Variants in ACSL3 observed in about 807,000 individuals in gnomAD.
The protein encoded by ACSL3 is acyl-CoA synthetase long chain family member 3.
A neutral mutation model predicts 84.7 loss-of-function variants in ACSL3; 34 were observed. That is an observed-to-expected ratio of 0.40 (90% CI 0.31 to 0.53). The LOEUF is 0.53. ACSL3 is among the 20% of genes least tolerant of loss of function. The pLI, the probability that ACSL3 is intolerant of heterozygous loss-of-function variation, is 0.48. For missense variants in ACSL3, 680 were observed against 873.1 expected (o/e 0.78, Z 2.79); for synonymous variants, 315 against 299.4 (o/e 1.05, Z -0.54).
intron 5 of ACSL3, among the ~76,000 whole-genome samples, chr2:222,917,154 G>A (rs1696606604): frequency 6.6e-6 from 1 of 152,126 alleles, no homozygotes; most frequent in Non-Finnish European, 1.5e-5. Context: ...CAGTGGCACA[G>A]TCTCAGGTTA....
At chr2:222,922,672 C>A in intron 8 of ACSL3, 36 bp from the exon 9 acceptor site, 1 of 1,612,236 alleles carries the variant, frequency 6.2e-7, no homozygotes, top group Non-Finnish European at 8.5e-7. Context: ...TAGACGACAC[C>A]TGACTTTTGT....
Position 222,941,853 on chromosome 2 carries a change from C to T in ACSL3, c.*199C>T, listed in dbSNP as rs1453649769. 2 of 521,154 alleles carry T rather than the reference C, an allele frequency of 3.8e-6. No homozygotes were observed. The highest frequency in any genetic ancestry group is 3.9e-5 in the African/African-American group (2 of 51,246). The allele number at this position is 521,154 out of a possible 1,614,324, so 32.3% of individuals were successfully genotyped here. A position where few individuals can be genotyped will look rare whatever the true frequency, so the allele number is the denominator to read the frequency against. ...GTGTCTGTCTCTTCTTTCATTTTCC[C>T]CGCCACCAACTTACTTTACCACCTA... On this transcript the variant is annotated 3_prime_UTR_variant, in exon 17 of 17. Coordinates refer to ENST00000357430, the MANE Select transcript of ACSL3 (RefSeq NM_004457.5).
At chr2:222,899,454 A>G (rs575534262) in intron 2 of ACSL3, among the ~76,000 whole-genome samples, 10 of 152,228 alleles carry the variant, frequency 6.6e-5, no homozygotes, top group African/African-American at 2.2e-4. Context: ...CAGCCAGGCA[A>G]CGGACGGGAC....
rs1697411854 is a variant in ACSL3, at chr2:222,944,531, C to A, written c.*2877C>A. 1 of 151,838 alleles carries A rather than the reference C, an allele frequency of 6.6e-6. No individual in the cohort carries two copies. Among genetic ancestry groups the A allele is most frequent in the Non-Finnish European group, 1.5e-5 (1 of 67,940 alleles). The allele number at this position is 151,838 out of a possible 1,614,324, so 9.4% of individuals were successfully genotyped here. A position where few individuals can be genotyped will look rare whatever the true frequency, so the allele number is the denominator to read the frequency against. ...TGTTCTTGGTTGTTGCTGTTTTCTG[C>A]CTGAAGACGTGTATCATAAAGAGCT... On this transcript the variant is annotated 3_prime_UTR_variant, in exon 17 of 17. Transcript: ENST00000357430.
At chr2:222,864,025 A>G (rs553082900) in intron 1 of ACSL3, among the ~76,000 whole-genome samples, 2 of 152,196 alleles carry the variant, frequency 1.3e-5, no homozygotes, top group African/African-American at 4.8e-5. Flanking sequence ...TTTAAGAGCC[A>G]TATATGATAA....
At chr2:222,864,736 G>C (rs958283473) in intron 1 of ACSL3, among the ~76,000 whole-genome samples, 2 of 152,088 alleles carry the variant, frequency 1.3e-5, no homozygotes, top group Non-Finnish European at 2.9e-5. Flanking sequence ...GGGAGTGGTT[G>C]AATATAGACT....
chr2:222,930,088 C>T (rs1260527388), intron 13 of ACSL3, among the ~76,000 whole-genome samples: 1 of 151,764 alleles, frequency 6.6e-6, no homozygotes, highest in African/African-American at 2.4e-5. Context: ...GCCACCATGC[C>T]CGACTAATTT....
At chr2:222,875,861 TC>T (rs34892893) in intron 1 of ACSL3, among the ~76,000 whole-genome samples, 1 of 152,346 alleles carries the variant, frequency 6.6e-6, no homozygotes, top group African/African-American at 2.4e-5. Context: ...TTTTTGTTTT[TC>T]CCTGTTTTAA....
At chr2:222,872,931 T>A (rs906129501) in intron 1 of ACSL3, among the ~76,000 whole-genome samples, 2 of 151,860 alleles carry the variant, frequency 1.3e-5, no homozygotes, top group African/African-American at 4.8e-5. Context: ...TGAAGCTGGA[T>A]GCAAAAATAA....
chr2:222,871,495 A>G (rs1208479247), intron 1 of ACSL3, among the ~76,000 whole-genome samples: 1 of 152,128 alleles, frequency 6.6e-6, no homozygotes, highest in Non-Finnish European at 1.5e-5. Context: ...CCCAGTAGGC[A>G]TTGTCTAGGG....
rs548828430 is a variant in ACSL3, at chr2:222,862,226, C to T, written c.-207+968C>T. Among the ~76,000 whole-genome samples, 3 of 152,278 alleles carry T rather than the reference C, an allele frequency of 2.0e-5. No individual in the cohort carries two copies. In the South Asian group the frequency reaches 6.2e-4, roughly 32 times the overall value. Reference sequence around the variant, plus strand: ...CAGTGTCTTCACACTGTTAACAGTCCTCTGGGGTGGGGGTTATTCCCATTT... The same window carrying T: ...CAGTGTCTTCACACTGTTAACAGTCTTCTGGGGTGGGGGTTATTCCCATTT... On this transcript the variant is annotated intron_variant, in intron 1 of 16. Coordinates refer to ENST00000357430, the MANE Select transcript of ACSL3 (RefSeq NM_004457.5).
chr2:222,936,963 G>A (rs188805661), intron 16 of ACSL3, among the ~76,000 whole-genome samples: 1 of 152,144 alleles, frequency 6.6e-6, no homozygotes, highest in Non-Finnish European at 1.5e-5. Context: ...CCGCACCCAT[G>A]ATCCAGTCAC....
chr2:222,906,332 G>A (rs1377397531), intron 3 of ACSL3, among the ~76,000 whole-genome samples: 1 of 152,134 alleles, frequency 6.6e-6, no homozygotes, highest in Non-Finnish European at 1.5e-5. Context: ...AGATCTCCTT[G>A]TTAAGCTTCT....
chr2:222,928,667 A>C (rs973402874), intron 12 of ACSL3, among the ~76,000 whole-genome samples, 195 bp from the exon 13 acceptor site: 3 of 152,014 alleles, frequency 2.0e-5, no homozygotes, highest in African/African-American at 2.4e-5. Context: ...AAAAAAAAAA[A>C]ACCTCAATGT....
At chr2:222,861,883 G>A (rs965048856) in intron 1 of ACSL3, 4 of 152,158 alleles carry the variant, frequency 2.6e-5, no homozygotes, top group African/African-American at 9.7e-5. Context: ...CTGTTGATAG[G>A]TTGGGTAACT....
chr2:222,883,462 C>T (rs1002649692), intron 1 of ACSL3, among the ~76,000 whole-genome samples: 5 of 152,134 alleles, frequency 3.3e-5, no homozygotes, highest in African/African-American at 7.2e-5. Context: ...AGATTACAGG[C>T]GTGAGCCACC....
intron 1 of ACSL3, among the ~76,000 whole-genome samples, chr2:222,884,890 C>A (rs1695683377): frequency 6.6e-6 from 1 of 152,182 alleles, no homozygotes; most frequent in African/African-American, 2.4e-5. Flanking sequence ...TGCATCAACT[C>A]AGTTTATAGT....
At chr2:222,902,754 C>A (rs1427019020) in intron 3 of ACSL3, among the ~76,000 whole-genome samples, 1 of 152,224 alleles carries the variant, frequency 6.6e-6, no homozygotes, top group Non-Finnish European at 1.5e-5. Flanking sequence ...GGCCACCACA[C>A]AGGAGCTGAA....
At chr2:222,919,541 G>C (rs940355124) in intron 7 of ACSL3, among the ~76,000 whole-genome samples, 2 of 152,154 alleles carry the variant, frequency 1.3e-5, no homozygotes, top group Non-Finnish European at 2.9e-5. Context: ...TGAATTACCT[G>C]TAAGTGTTAA....
Sources: allele counts gnomAD v4.1 joint callset (sites outside exome capture counted in the v4.1 genomes callset), GRCh38; gene constraint gnomAD v4.1.1; transcripts MANE v1.5; gene names NCBI Gene and HGNC (gene_info 2026-07-23, HGNC 2026-07-21).